The following EHBP1 variants were observed in gnomAD, a reference collection of about 807,000 sequenced individuals.
EHBP1 encodes EH domain binding protein 1.
A neutral mutation model predicts 144.0 loss-of-function variants in EHBP1; 55 were observed. The observed-to-expected ratio is 0.38, with a 90% confidence interval of 0.31 to 0.48. The LOEUF (loss-of-function observed/expected upper bound fraction) is 0.48, where lower values mean the gene tolerates loss of function less well. Among genes scored for constraint, EHBP1 ranks in the 20% least tolerant of loss-of-function variants. The pLI is 0.98. For missense variants in EHBP1, 1,200 were observed against 1,364.2 expected, an observed-to-expected ratio of 0.88 and a Z score of 1.90; for synonymous variants, 469 against 472.7, an observed-to-expected ratio of 0.99 and a Z score of 0.10.
At chr2:62,682,665 A>G (rs912695143) in intron 1 of EHBP1, among the ~76,000 whole-genome samples, 1 of 152,222 alleles carries the variant, frequency 6.6e-6, no homozygotes, top group Admixed American at 6.5e-5. Context: ...TGGTACCAGC[A>G]CAATATTGAG....
intron 2 of EHBP1, among the ~76,000 whole-genome samples, chr2:62,743,858 T>C (rs1421504340): frequency 6.6e-6 from 1 of 152,222 alleles, no homozygotes; most frequent in East Asian, 1.9e-4. Context: ...TCTTCTCCAC[T>C]TCAGTCCTCT....
chr2:62,781,777 T>G (rs2042438319), intron 5 of EHBP1, among the ~76,000 whole-genome samples: 2 of 152,230 alleles, frequency 1.3e-5, no homozygotes, highest in Admixed American at 1.3e-4. Context: ...GTTACTTTTC[T>G]TTCTAAAATT....
At chr2:62,983,655 T>C (rs973471793) in intron 15 of EHBP1, among the ~76,000 whole-genome samples, 13 of 152,244 alleles carry the variant, frequency 8.5e-5, no homozygotes, top group Non-Finnish European at 1.3e-4. Flanking sequence ...GTTCTCCTGC[T>C]TCAGCCTCCC....
chr2:62,716,185 C>T (rs1366760502), intron 2 of EHBP1, among the ~76,000 whole-genome samples: 3 of 152,094 alleles, frequency 2.0e-5, no homozygotes, highest in African/African-American at 4.8e-5. Context: ...CCGCAACCCC[C>T]CACCACGCCC....
intron 3 of EHBP1, among the ~76,000 whole-genome samples, chr2:62,747,919 A>G (rs1466048063): frequency 6.6e-6 from 1 of 152,004 alleles, no homozygotes; most frequent in Non-Finnish European, 1.5e-5. Flanking sequence ...CTTCTGCCAC[A>G]TGAGGATGCA....
chr2:62,736,224 C>CTT lies in EHBP1; in HGVS notation c.105-11152_105-11151dup, dbSNP rs70962793. ...TTTTTTCAGTCTTTGTTCTCTTTGC[C>CTT]TTTTTTTTTTTTTTTTTTTTGAGAC... On this transcript the variant is annotated intron_variant, in intron 2 of 22. Transcript: ENST00000431489. 1.9e-3 allele frequency among the ~76,000 whole-genome samples: 195 copies of CTT among 102,234 alleles called. 1 individual carries two copies. Among genetic ancestry groups the CTT allele is most frequent in the Non-Finnish European group, 2.8e-3 (133 of 47,944 alleles). 67.1% of individuals were successfully genotyped at this position (102,234 alleles called of 152,430 possible).
At chr2:62,939,652 G>A (rs941095234) in intron 10 of EHBP1, among the ~76,000 whole-genome samples, 7 of 152,024 alleles carry the variant, frequency 4.6e-5, no homozygotes, top group Middle Eastern at 3.4e-3. Context: ...AGATATCTGA[G>A]AGAGTACCAG....
intron 10 of EHBP1, among the ~76,000 whole-genome samples, chr2:62,894,927 A>AGAGAGAGAGAGAGAG (rs71410972): frequency 0.014 from 1,915 of 141,134 alleles, 48 homozygotes; most frequent in Non-Finnish European, 0.021. Context: ...AACAGAAAGA[A>AGAGAGAGAGAGAGAG]AGAGAGAGAG....
At chr2:62,921,195 C>T (rs1430981772) in intron 10 of EHBP1, among the ~76,000 whole-genome samples, 4 of 152,112 alleles carry the variant, frequency 2.6e-5, no homozygotes, top group Non-Finnish European at 4.4e-5. Flanking sequence ...CCTGTAATCC[C>T]AGCACTTTGG....
At chr2:62,951,355 TCTC>T (rs2057372604) in intron 13 of EHBP1, among the ~76,000 whole-genome samples, 1 of 152,016 alleles carries the variant, frequency 6.6e-6, no homozygotes, top group Non-Finnish European at 1.5e-5. Context: ...AAGCCCCTGT[TCTC>T]CTAATCATAA....
chr2:62,709,975 G>C (rs916823255), intron 2 of EHBP1, among the ~76,000 whole-genome samples: 3 of 152,068 alleles, frequency 2.0e-5, no homozygotes, highest in African/African-American at 7.2e-5. Context: ...AGCAAATTTG[G>C]AGATGATAGG....
At chr2:63,013,662 C>T (rs1485551370) in intron 19 of EHBP1, among the ~76,000 whole-genome samples, 1 of 152,174 alleles carries the variant, frequency 6.6e-6, no homozygotes, top group Non-Finnish European at 1.5e-5. Context: ...CTCGGCTTCC[C>T]GTGTTTTCTA....
At chr2:62,813,851 C>T (rs2045245485) in intron 5 of EHBP1, among the ~76,000 whole-genome samples, 1 of 152,190 alleles carries the variant, frequency 6.6e-6, no homozygotes, top group Non-Finnish European at 1.5e-5. Context: ...ATCTGTCCCA[C>T]CATTGTATTT....
At chr2:62,847,607 G>C (rs1056946038) in intron 7 of EHBP1, among the ~76,000 whole-genome samples, 1 of 152,180 alleles carries the variant, frequency 6.6e-6, no homozygotes, top group African/African-American at 2.4e-5. Context: ...GCTGAGGTGG[G>C]AAGATAGCTT....
chr2:62,722,455 C>T (rs894927182), intron 2 of EHBP1, among the ~76,000 whole-genome samples: 12 of 151,720 alleles, frequency 7.9e-5, no homozygotes, highest in Non-Finnish European at 1.6e-4. Context: ...TTAAACATAA[C>T]CACAGTTTAA....
rs568432328 is a variant in EHBP1 at position 62,750,823 on chromosome 2, G to A, written c.162+3371G>A. Reference sequence around the variant, plus strand: ...GTATAAGAATGCTTGTGATTTTTGCGCATTGATTTTGTGTCCTGAGACTTT... The same window carrying A: ...GTATAAGAATGCTTGTGATTTTTGCACATTGATTTTGTGTCCTGAGACTTT... On this transcript the variant is annotated intron_variant, in intron 3 of 22. Transcript: ENST00000431489. Among the ~76,000 whole-genome samples the A allele has an allele frequency of 9.7e-4, 148 of 152,126 alleles. 2 individuals are homozygous for A. The highest frequency in any genetic ancestry group is 2.9e-3 in the African/African-American group (119 of 41,522).
intron 4 of EHBP1, among the ~76,000 whole-genome samples, chr2:62,765,820 T>A (rs191234659): frequency 1.3e-5 from 2 of 152,266 alleles, no homozygotes; most frequent in East Asian, 1.9e-4. Context: ...GTATGATGTC[T>A]CCCCTGCATT....
At chr2:62,915,731 T>C (rs1425986155) in intron 10 of EHBP1, among the ~76,000 whole-genome samples, 1 of 152,082 alleles carries the variant, frequency 6.6e-6, no homozygotes, top group Non-Finnish European at 1.5e-5. Context: ...TTTTTTAAAA[T>C]AATTGTTAAT....
At chr2:63,013,940 T>G (rs1026974889) in intron 19 of EHBP1, among the ~76,000 whole-genome samples, 1 of 152,244 alleles carries the variant, frequency 6.6e-6, no homozygotes, top group African/African-American at 2.4e-5. Flanking sequence ...CCACTCATAC[T>G]CTTCTAACAA....
Sources: gnomAD v4.1 joint callset for allele counts (sites outside exome capture counted in the v4.1 genomes callset) on GRCh38, gnomAD v4.1.1 for gene constraint, MANE v1.5 for transcripts, NCBI Gene and HGNC (gene_info 2026-07-23, HGNC 2026-07-21) for gene names.